Variants in BPIFB6 observed in about 807,000 individuals in gnomAD.
The protein encoded by BPIFB6 is BPI fold containing family B member 6, also known as BPI fold-containing family B member 6.
BPIFB6 carries 47 observed loss-of-function variants against 54.7 expected under a neutral mutation model. That is an observed-to-expected ratio of 0.86 (90% CI 0.68 to 1.10). The LOEUF (loss-of-function observed/expected upper bound fraction) is 1.10. BPIFB6 is among the 50% of genes least tolerant of loss of function. BPIFB6 has a pLI of 0.00. For missense variants in BPIFB6, 603 were observed against 564.1 expected (o/e 1.07, Z -0.70); for synonymous variants, 255 against 225.9 (o/e 1.13, Z -1.16).
At chr20:33,038,641 C>CATCT (rs2146366602) in intron 8 of BPIFB6, among the ~76,000 whole-genome samples, 1 of 152,360 alleles carries the variant, frequency 6.6e-6, no homozygotes, top group South Asian at 2.1e-4. Flanking sequence ...TTACCCATCA[C>CATCT]ATCTACCCAT....
chr20:33,039,565 A>G lies in BPIFB6; in HGVS notation c.1074+45A>G, dbSNP rs751250158. ...TCCCCATTTATTCCCAATCTCTTGG[A>G]TATTCAGGGCTGGAGGATGGGATTT... On this transcript the variant is annotated intron_variant, in intron 10 of 14. Transcript: ENST00000349552. 1.9e-5 allele frequency: 30 copies of G among 1,570,888 alleles called. 1 individual carries two copies. The South Asian group carries it at 3.6e-4, about 19-fold the overall frequency.
At chr20:33,041,925 G>A (rs199763242) in intron 11 of BPIFB6, 45 bp from the exon 12 acceptor site, 24 of 1,594,820 alleles carry the variant, frequency 1.5e-5, no homozygotes, top group Middle Eastern at 1.7e-4. Context: ...GGCTCTGACC[G>A]TTCTTTCCCC....
In BPIFB6 at chr20:33,040,280, G is replaced by T; in HGVS notation, c.1104G>T (p.Val368=). The T allele has an allele frequency of 6.2e-7, 1 of 1,614,162 alleles. No homozygotes were observed. The highest frequency in any genetic ancestry group is 8.5e-7 in the Non-Finnish European group (1 of 1,180,036). ...TCAATCTGAAGGTCCAGTACTCAGT[G>T]CATGAGAACCAGCTGCAGATGGCCA... The part of the protein sequence containing the change: ...VHFNLKVQYS[V]HENQLQMATS... The change falls in exon 11 of 15, where the codon GTG becomes GTT. Residue 368 remains valine, a synonymous_variant. Transcript: ENST00000349552.
intron 12 of BPIFB6, 70 bp from the exon 13 acceptor site, chr20:33,042,745 G>A (rs1247633450): frequency 7.0e-7 from 1 of 1,437,612 alleles, no homozygotes; most frequent in African/African-American, 1.4e-5. Context: ...TAGCCAGAGA[G>A]GGCTGAAAAG....
At chr20:33,043,850 A>G (rs1239458283) in intron 14 of BPIFB6, among the ~76,000 whole-genome samples, 165 bp from the exon 15 acceptor site, 1 of 152,130 alleles carries the variant, frequency 6.6e-6, no homozygotes, top group East Asian at 1.9e-4. Flanking sequence ...AATTGAGGGT[A>G]AGAGAGGTGA....
chr20:33,043,311 C>A lies in BPIFB6; in HGVS notation c.1273C>A (p.Pro425Thr). 6.2e-7 allele frequency: 1 copy of A among 1,614,202 alleles called. No homozygotes were observed. ...VVNDVLQVGL[P>T]LPDFLAMNYN... is the part of the protein sequence containing the mutation. ...CTCAGATGTGCTTCAAGTGGGGCTC[C>A]CACTCCCGGACTTTCTGGCCATGAA... Residue 425 changes from proline to threonine, a missense_variant, in exon 14 of 15, where the codon CCA (proline) becomes ACA (threonine). Transcript: ENST00000349552.
chr20:33,033,307 C>T lies in BPIFB6; in HGVS notation c.197+224C>T, dbSNP rs59881693. 4.3e-3 allele frequency: 2,738 copies of T among 640,248 alleles called. 114 individuals are homozygous for T. In the East Asian group the frequency reaches 0.07, roughly 16 times the overall value. 39.7% of individuals were successfully genotyped at this position (640,248 alleles called of 1,614,324 possible). A position where few individuals can be genotyped will look rare whatever the true frequency, so the allele number is the denominator to read the frequency against. Reference sequence around the variant, plus strand: ...GGGACAATTTCTGCTTTGTAGTGAGCAGGGTCATTTTGAGGAGGAAATGAG... The same window carrying T: ...GGGACAATTTCTGCTTTGTAGTGAGTAGGGTCATTTTGAGGAGGAAATGAG... On this transcript the variant is annotated intron_variant, in intron 2 of 14. Coordinates refer to ENST00000349552, the MANE Select transcript of BPIFB6 (RefSeq NM_174897.2).
intron 14 of BPIFB6, among the ~76,000 whole-genome samples, 176 bp downstream of exon 14, chr20:33,043,543 G>C (rs1429517862): frequency 6.6e-6 from 1 of 152,138 alleles, no homozygotes; most frequent in Non-Finnish European, 1.5e-5. Flanking sequence ...TCCATAGAAG[G>C]ATACTTGGAC....
At chr20:33,035,233 C>A in intron 5 of BPIFB6, 89 bp downstream of exon 5, 1 of 1,316,856 alleles carries the variant, frequency 7.6e-7, no homozygotes, top group African/African-American at 1.4e-5. Flanking sequence ...GGTGCTGACC[C>A]TGATTGACTG....
In BPIFB6 at chr20:33,042,145, G is replaced by A. The variant is rs529711279; in HGVS notation, c.1188+130G>A. 7.1e-5 allele frequency: 62 copies of A among 867,724 alleles called. 1 individual carries two copies. Among genetic ancestry groups the A allele is most frequent in the South Asian group, 6.9e-4 (45 of 65,258 alleles). The allele number at this position is 867,724 out of a possible 1,614,324, so 53.8% of individuals were successfully genotyped here. A position where few individuals can be genotyped will look rare whatever the true frequency, so the allele number is the denominator to read the frequency against. On this transcript the variant is annotated intron_variant, in intron 12 of 14. Transcript: ENST00000349552. The stretch of plus-strand genomic sequence containing the variant: ...GAGCAAGGCCACTGTGAGGCGTGGC[G>A]CACCTGACTTGCCGTGTGAGCTTAG...
intron 8 of BPIFB6, among the ~76,000 whole-genome samples, 190 bp downstream of exon 8, chr20:33,037,928 C>G (rs1187212701): frequency 6.6e-6 from 1 of 152,216 alleles, no homozygotes; most frequent in African/African-American, 2.4e-5. Context: ...TAACTACCAT[C>G]TACTCATCTG....
At chr20:33,032,855 G>A (rs375355750) in intron 1 of BPIFB6, 129 bp from the exon 2 acceptor site, 93 of 674,634 alleles carry the variant, frequency 1.4e-4, no homozygotes, top group Admixed American at 7.3e-4. Flanking sequence ...AGGCTGGGGC[G>A]CTGTGGGACT....
In BPIFB6 at chr20:33,036,548, G is replaced by A. The variant is rs1979350836; in HGVS notation, c.669+12G>A. The A allele has an allele frequency of 1.2e-6, 2 of 1,610,128 alleles. No homozygotes were observed. Among genetic ancestry groups the A allele is most frequent in the Non-Finnish European group, 1.7e-6 (2 of 1,176,402 alleles). ...AACTGGACTTCAGTGTAAGCGCCTA[G>A]GGCCACCTGGGAGCTGGGGTCTCAG... On this transcript the variant is annotated intron_variant, in intron 7 of 14. Transcript: ENST00000349552.
chr20:33,041,834 G>T, intron 11 of BPIFB6, 136 bp from the exon 12 acceptor site: 1 of 711,548 alleles, frequency 1.4e-6, no homozygotes, highest in East Asian at 2.7e-5. Context: ...GGAGCACCTG[G>T]TCTGAAGGCT....
chr20:33,036,767 C>T (rs887362626), intron 7 of BPIFB6, among the ~76,000 whole-genome samples: 4 of 152,208 alleles, frequency 2.6e-5, no homozygotes, highest in African/African-American at 9.7e-5. Context: ...GCTGACTTCA[C>T]ACTCATGATC....
Position 33,033,091 on chromosome 20 carries a change from G to A in BPIFB6, c.197+8G>A, listed in dbSNP as rs1465963692. 10 of 1,607,162 alleles carry A rather than the reference G, an allele frequency of 6.2e-6. No homozygotes were observed. Among genetic ancestry groups the A allele is most frequent in the South Asian group, 1.1e-5 (1 of 90,906 alleles). ...TATCAAGGGCATCACCAAGTGAGTAGGGGAGGGGAGCTGGAGGGTGGTGGT... is the reference window on the plus strand; with the variant it reads ...TATCAAGGGCATCACCAAGTGAGTAAGGGAGGGGAGCTGGAGGGTGGTGGT... On this transcript the variant is annotated splice_region_variant and intron_variant, in intron 2 of 14. Transcript: ENST00000349552.
At position 33,036,454 on chromosome 20, in the gene BPIFB6, C is replaced by T. The variant is rs773518008; in HGVS notation, c.587C>T (p.Pro196Leu). The T allele has an allele frequency of 6.2e-7, 1 of 1,613,294 alleles. No homozygotes were observed. The highest frequency in any genetic ancestry group is 2.2e-5 in the East Asian group (1 of 44,872). The stretch of plus-strand genomic sequence containing the variant: ...CCTCCTTTTCACACAGACCCCATGC[C>T]TGTGGGCCAGATGGGCACCGTCAAA... ...RKWTNLSDPM[P>L]VGQMGTVKYV... The change falls in exon 7 of 15, where the codon CCT becomes CTT. Residue 196 changes from proline (P) to leucine (L), a missense_variant. By Grantham distance (98) the Pro-to-Leu change is moderately conservative. Transcript: ENST00000349552.
chr20:33,036,852 A>G (rs923737891), intron 7 of BPIFB6, among the ~76,000 whole-genome samples: 2 of 152,178 alleles, frequency 1.3e-5, no homozygotes, highest in Non-Finnish European at 2.9e-5. Context: ...AGGTCCAGGC[A>G]CAGGCAGGAG....
intron 2 of BPIFB6, 184 bp downstream of exon 2, chr20:33,033,267 C>G (rs1329068326): frequency 1.5e-6 from 1 of 682,074 alleles, no homozygotes; most frequent in Non-Finnish European, 2.8e-6. Context: ...CCTGGACCTC[C>G]TCAGCCATTC....
Sources: gnomAD v4.1 joint callset for allele counts (sites outside exome capture counted in the v4.1 genomes callset) on GRCh38, gnomAD v4.1.1 for gene constraint, MANE v1.5 for transcripts, NCBI Gene and HGNC (gene_info 2026-07-23, HGNC 2026-07-21) for gene names.